The following ERBB4 variants were observed in gnomAD, a reference collection of about 807,000 sequenced individuals.
ERBB4 encodes the protein erb-b2 receptor tyrosine kinase 4, also known as receptor tyrosine-protein kinase erbB-4.
In ERBB4, 42 loss-of-function variants were observed where a neutral mutation model predicts 158.0. The observed-to-expected ratio is 0.27, with a 90% confidence interval of 0.21 to 0.34. The LOEUF (loss-of-function observed/expected upper bound fraction) is 0.34. ERBB4 is among the 10% of genes least tolerant of loss of function. ERBB4 has a pLI of 1.00. For synonymous variants in ERBB4, 583 were observed against 558.7 expected (o/e 1.04, Z -0.61); for missense variants, 1,333 against 1,624.1 (o/e 0.82, Z 3.08).
chr2:211,902,186 C>T (rs948106624), intron 3 of ERBB4, among the ~76,000 whole-genome samples: 12 of 152,016 alleles, frequency 7.9e-5, no homozygotes, highest in African/African-American at 2.9e-4. Context: ...ACCCCTTGTT[C>T]TCTGTGCCTC....
intron 1 of ERBB4, among the ~76,000 whole-genome samples, chr2:212,447,774 T>TTGTGTGTGTG (rs3040357): frequency 0.025 from 3,726 of 147,172 alleles, 65 homozygotes; most frequent in Non-Finnish European, 0.033. Context: ...TCATAAAAGA[T>TTGTGTGTGTG]TGTGTGTGTG....
intron 19 of ERBB4, among the ~76,000 whole-genome samples, chr2:211,598,813 C>A (rs928459344): frequency 2.6e-5 from 4 of 152,106 alleles, no homozygotes; most frequent in Non-Finnish European, 5.9e-5. Flanking sequence ...AATGAACATT[C>A]TTTTTTCTTT....
intron 2 of ERBB4, among the ~76,000 whole-genome samples, chr2:212,013,904 C>T (rs938947821): frequency 3.9e-5 from 6 of 152,134 alleles, no homozygotes; most frequent in South Asian, 2.1e-4. Flanking sequence ...TGAGAGAATA[C>T]GTTTCTATTG....
intron 1 of ERBB4, among the ~76,000 whole-genome samples, chr2:212,221,930 T>C (rs1244203737): frequency 2.6e-5 from 4 of 151,564 alleles, no homozygotes; most frequent in African/African-American, 9.7e-5. Flanking sequence ...AATTATAAGG[T>C]AAGGCCAGCT....
intron 3 of ERBB4, among the ~76,000 whole-genome samples, chr2:211,829,378 T>C (rs998022887): frequency 1.3e-5 from 2 of 152,180 alleles, no homozygotes; most frequent in Non-Finnish European, 2.9e-5. Context: ...TATTTGATTG[T>C]TGAACTTGAT....
chr2:212,480,469 CT>C (rs1014564446), intron 1 of ERBB4, among the ~76,000 whole-genome samples: 10 of 152,330 alleles, frequency 6.6e-5, no homozygotes, highest in Middle Eastern at 3.4e-3. Context: ...TATAAAACTT[CT>C]AAGGATAGCT....
intron 1 of ERBB4, among the ~76,000 whole-genome samples, chr2:212,317,457 G>A (rs755584705): frequency 6.6e-6 from 1 of 151,582 alleles, no homozygotes; most frequent in Non-Finnish European, 1.5e-5. Flanking sequence ...CTAAGACTCT[G>A]ATGCTTTGAA....
At chr2:211,732,741 G>A (rs556156147) in intron 5 of ERBB4, among the ~76,000 whole-genome samples, 3 of 152,038 alleles carry the variant, frequency 2.0e-5, no homozygotes, top group Admixed American at 6.5e-5. Context: ...GGCAAATCAC[G>A]AGGTCACGAG....
rs76263046 is a variant in ERBB4 at position 211,496,750 on chromosome 2, A to G, written c.2487+65153T>C. On this transcript the variant is annotated intron_variant, in intron 20 of 27. Transcript: ENST00000342788. ...CATGATTATCTTTGGTGAGCCTCCA[A>G]TATGCCAGAAATATTTCTGCCTCAG... is the stretch of plus-strand genomic sequence containing the variant. Among the ~76,000 whole-genome samples the G allele has an allele frequency of 2.7e-3, 404 of 152,178 alleles. 6 individuals carry two copies. Among genetic ancestry groups the G allele is most frequent in the Non-Finnish European group, 3.6e-3 (246 of 67,996 alleles).
intron 20 of ERBB4, among the ~76,000 whole-genome samples, chr2:211,495,239 C>A (rs1345523198): frequency 6.6e-6 from 1 of 151,806 alleles, no homozygotes; most frequent in African/African-American, 2.4e-5. Context: ...ATATGTAAAA[C>A]AGCAAAATAT....
At chr2:211,981,381 A>G (rs1349521066) in intron 2 of ERBB4, among the ~76,000 whole-genome samples, 2 of 152,192 alleles carry the variant, frequency 1.3e-5, no homozygotes, top group Admixed American at 1.3e-4. Context: ...CACTTTGGGA[A>G]CTGCTGTGTT....
In ERBB4 at chr2:211,377,798, T is replaced by C. The variant is rs917551782; in HGVS notation, c.*5817A>G. The C allele has an allele frequency of 5.6e-5, 13 of 232,664 alleles. No homozygotes were observed. Among genetic ancestry groups the C allele is most frequent in the South Asian group, 3.6e-4 (2 of 5,520 alleles). The allele number at this position is 232,664 out of a possible 1,614,324, so 14.4% of individuals were successfully genotyped here. On this transcript the variant is annotated 3_prime_UTR_variant, in exon 28 of 28. Transcript: ENST00000342788. The stretch of plus-strand genomic sequence containing the variant: ...AAGTTCTACCAAGTGTATGTGGACA[T>C]ATGTGAGTTTCAAGATTCATCACAG...
chr2:211,545,300 A>G (rs2066913963), intron 20 of ERBB4, among the ~76,000 whole-genome samples: 1 of 152,082 alleles, frequency 6.6e-6, no homozygotes, highest in Admixed American at 6.6e-5. Flanking sequence ...GCACCCATGT[A>G]AGTGTCACCC....
At chr2:211,665,638 G>A (rs2071603294) in intron 14 of ERBB4, among the ~76,000 whole-genome samples, 161 bp from the exon 15 acceptor site, 1 of 152,194 alleles carries the variant, frequency 6.6e-6, no homozygotes, top group East Asian at 1.9e-4. Flanking sequence ...TGTAATTTTT[G>A]TAGTACAAAC....
At chr2:211,401,277 A>ATCTT (rs1013620444) in intron 25 of ERBB4, among the ~76,000 whole-genome samples, 1 of 152,084 alleles carries the variant, frequency 6.6e-6, no homozygotes, top group African/African-American at 2.4e-5. Flanking sequence ...CTGAAATAAA[A>ATCTT]TCTTTATTAT....
At chr2:212,283,233 C>A (rs2085826228) in intron 1 of ERBB4, among the ~76,000 whole-genome samples, 2 of 152,020 alleles carry the variant, frequency 1.3e-5, no homozygotes, top group South Asian at 2.1e-4. Context: ...ATGACTTGAA[C>A]TGCTGGGTTT....
chr2:212,247,257 G>C (rs1322047847), intron 1 of ERBB4, among the ~76,000 whole-genome samples: 1 of 152,036 alleles, frequency 6.6e-6, no homozygotes, highest in Non-Finnish European at 1.5e-5. Flanking sequence ...CTGAACTAAA[G>C]CATCTAAGTA....
At chr2:212,191,819 A>G (rs188211928) in intron 1 of ERBB4, among the ~76,000 whole-genome samples, 1,672 of 135,226 alleles carry the variant, frequency 0.012, 54 homozygotes, top group African/African-American at 0.042. Context: ...TACATGTTAT[A>G]TATGTTCTAT....
chr2:212,126,980 C>T (rs184231251), intron 1 of ERBB4, among the ~76,000 whole-genome samples: 214 of 152,174 alleles, frequency 1.4e-3, no homozygotes, highest in Non-Finnish European at 2.7e-3. Flanking sequence ...ATTATAAAAA[C>T]AAAATCCAAA....
Sources: allele counts gnomAD v4.1 joint callset (sites outside exome capture counted in the v4.1 genomes callset), GRCh38; gene constraint gnomAD v4.1.1; transcripts MANE v1.5; gene names NCBI Gene and HGNC (gene_info 2026-07-23, HGNC 2026-07-21).